DAB1: variants seen among roughly 807,000 people sequenced by gnomAD.
DAB1 encodes the protein DAB adaptor protein 1.
In DAB1, 15 loss-of-function variants were observed where a neutral mutation model predicts 64.6. The ratio of observed to expected loss-of-function variants is 0.23; its 90% CI spans 0.16 to 0.36. The LOEUF is 0.36. Ranked by LOEUF, DAB1 falls within the 10% of genes least tolerant of loss-of-function variation. The pLI is 1.00. For synonymous variants in DAB1, 235 were observed against 251.9 expected, an observed-to-expected ratio of 0.93 and a Z score of 0.64; for missense variants, 596 against 706.7, an observed-to-expected ratio of 0.84 and a Z score of 1.78.
At chr1:58,211,639 T>C (rs1318238374) in intron 4 of DAB1, among the ~76,000 whole-genome samples, 1 of 152,208 alleles carries the variant, frequency 6.6e-6, no homozygotes, top group African/African-American at 2.4e-5. Flanking sequence ...CCATTGCCTA[T>C]GGCTTGAAAA....
chr1:57,633,532 C>T (rs1477893517), intron 7 of DAB1, among the ~76,000 whole-genome samples: 1 of 152,140 alleles, frequency 6.6e-6, no homozygotes, highest in African/African-American at 2.4e-5. Flanking sequence ...TTTGAATAAG[C>T]TTTGTGCTGG....
chr1:57,296,114 G>C (rs919915702), intron 1 of DAB1, among the ~76,000 whole-genome samples: 19 of 152,030 alleles, frequency 1.2e-4, no homozygotes, highest in African/African-American at 4.3e-4. Flanking sequence ...AACTATTTTC[G>C]ATGTTCTATA....
At chr1:57,554,823 A>G (rs1165112543) in intron 7 of DAB1, among the ~76,000 whole-genome samples, 2 of 152,144 alleles carry the variant, frequency 1.3e-5, no homozygotes, top group Non-Finnish European at 2.9e-5. Flanking sequence ...CTGATTTTGA[A>G]AAGTTTCTAG....
intron 2 of DAB1, among the ~76,000 whole-genome samples, chr1:57,157,409 G>A (rs1353760178): frequency 2.0e-5 from 3 of 152,126 alleles, no homozygotes. Flanking sequence ...AGACTGCATG[G>A]CTTAAACAAC....
At chr1:57,668,211 A>C (rs1331710965) in intron 6 of DAB1, among the ~76,000 whole-genome samples, 1 of 152,082 alleles carries the variant, frequency 6.6e-6, no homozygotes, top group East Asian at 1.9e-4. Context: ...ATTTTATAAG[A>C]TATTATTTAA....
intron 4 of DAB1, among the ~76,000 whole-genome samples, chr1:57,092,593 A>G (rs561078311): frequency 2.6e-4 from 39 of 149,508 alleles, no homozygotes; most frequent in African/African-American, 9.1e-4. Context: ...TGAAACTGTG[A>G]GTCAATGAAA....
At chr1:57,318,675 C>T (rs981784778) in intron 1 of DAB1, among the ~76,000 whole-genome samples, 21 of 145,834 alleles carry the variant, frequency 1.4e-4, no homozygotes. Context: ...GGCACGTTGA[C>T]TCAATATAAT....
At chr1:57,987,669 C>T (rs1053059247) in intron 5 of DAB1, among the ~76,000 whole-genome samples, 5 of 152,156 alleles carry the variant, frequency 3.3e-5, no homozygotes, top group African/African-American at 1.2e-4. Flanking sequence ...ATGGAGATGA[C>T]TTCTTTCCCA....
intron 1 of DAB1, among the ~76,000 whole-genome samples, chr1:57,366,182 A>G (rs7535763): frequency 0.4 from 61,308 of 152,020 alleles, 12,876 homozygotes; most frequent in Non-Finnish European, 0.44. Context: ...ACTCCATATC[A>G]TGATAGCTAT....
chr1:58,376,101 C>G (rs1409114280), intron 3 of DAB1, among the ~76,000 whole-genome samples: 1 of 151,918 alleles, frequency 6.6e-6, no homozygotes, highest in Non-Finnish European at 1.5e-5. Flanking sequence ...AGCAGTCTAT[C>G]AATTTTGTTG....
intron 4 of DAB1, among the ~76,000 whole-genome samples, chr1:57,074,628 C>A (rs1290069872): frequency 6.6e-6 from 1 of 152,156 alleles, no homozygotes; most frequent in Non-Finnish European, 1.5e-5. Flanking sequence ...AGGGTCTGAT[C>A]ATTCACTAAC....
intron 7 of DAB1, among the ~76,000 whole-genome samples, chr1:57,520,449 G>C (rs374510766): frequency 1.3e-5 from 2 of 151,804 alleles, no homozygotes; most frequent in African/African-American, 2.4e-5. Flanking sequence ...AAAGATTAAG[G>C]GTCAATTTTT....
chr1:58,535,558 T>TGCAGTACA (rs1163425545), intron 1 of DAB1, among the ~76,000 whole-genome samples: 1 of 139,200 alleles, frequency 7.2e-6, no homozygotes, highest in Non-Finnish European at 1.5e-5. Context: ...ATGGCACCAC[T>TGCAGTACA]GCAGTACAGC....
intron 4 of DAB1, among the ~76,000 whole-genome samples, chr1:57,082,184 G>T (rs3768183): frequency 0.22 from 33,699 of 151,996 alleles, 4,447 homozygotes; most frequent in East Asian, 0.49. Flanking sequence ...TTTACATTTT[G>T]TGTTTGAGCA....
intron 4 of DAB1, among the ~76,000 whole-genome samples, chr1:57,116,259 C>T (rs1362923128): frequency 1.3e-5 from 2 of 151,454 alleles, no homozygotes; most frequent in South Asian, 2.1e-4. Flanking sequence ...TTCAGGAGTT[C>T]GAGACCAGCC....
intron 12 of DAB1, among the ~76,000 whole-genome samples, chr1:57,012,030 C>A (rs539744077): frequency 1.0e-3 from 153 of 152,314 alleles, no homozygotes; most frequent in Non-Finnish European, 1.9e-3. Context: ...ACCCACATCT[C>A]CTCTCATTTG....
intron 2 of DAB1, among the ~76,000 whole-genome samples, chr1:58,525,854 C>T (rs1569951765): frequency 6.6e-6 from 1 of 151,974 alleles, no homozygotes; most frequent in South Asian, 2.1e-4. Context: ...CTGGCTGAAA[C>T]ATAAACAAGC....
chr1:58,026,961 TG>T (rs1646904220), intron 5 of DAB1, among the ~76,000 whole-genome samples: 1 of 152,318 alleles, frequency 6.6e-6, no homozygotes, highest in Admixed American at 6.5e-5. Context: ...TTTGACTCTG[TG>T]GTAGAAGGAC....
chr1:58,461,432 G>T (rs1158938722), intron 3 of DAB1, among the ~76,000 whole-genome samples: 1 of 152,146 alleles, frequency 6.6e-6, no homozygotes, highest in Non-Finnish European at 1.5e-5. Flanking sequence ...AAAAGGCAGG[G>T]GTAGCTAGAA....
Sources: gnomAD v4.1 joint callset for allele counts (sites outside exome capture counted in the v4.1 genomes callset) on GRCh38, gnomAD v4.1.1 for gene constraint, MANE v1.5 for transcripts, NCBI Gene and HGNC (gene_info 2026-07-23, HGNC 2026-07-21) for gene names.